CCN4: variants seen among roughly 807,000 people sequenced by gnomAD.
CCN4 encodes CCN family member 4.
In CCN4, 30 loss-of-function variants were observed where a neutral mutation model predicts 36.7. The observed-to-expected ratio is 0.82, with a 90% CI of 0.61 to 1.11. CCN4 has a LOEUF of 1.11. CCN4 is among the 50% of genes least tolerant of loss of function. The pLI, the probability that CCN4 is intolerant of heterozygous loss-of-function variation, is 0.00. For synonymous variants in CCN4, 191 were observed against 195.4 expected (o/e 0.98, Z 0.19); for missense variants, 505 against 504.9 (o/e 1.00, Z 0.00).
At chr8:133,191,234 C>A (rs368535919) in intron 1 of CCN4, 21 bp downstream of exon 1, 24 of 1,600,438 alleles carry the variant, frequency 1.5e-5, no homozygotes, top group Non-Finnish European at 2.0e-5. Flanking sequence ...CCTGGAGGGG[C>A]TCAGAGGGAG....
intron 2 of CCN4, among the ~76,000 whole-genome samples, chr8:133,214,442 A>G (rs1017646521): frequency 2.0e-5 from 3 of 150,812 alleles, no homozygotes; most frequent in Non-Finnish European, 4.4e-5. Flanking sequence ...TTTTTCCTGG[A>G]CTTTCTAATG....
chr8:133,193,116 G>T (rs1853176275), intron 1 of CCN4, among the ~76,000 whole-genome samples: 1 of 152,214 alleles, frequency 6.6e-6, no homozygotes, highest in Non-Finnish European at 1.5e-5. Context: ...ATAGAAACGA[G>T]CTGGACTCCA....
intron 2 of CCN4, among the ~76,000 whole-genome samples, chr8:133,219,653 C>T (rs996793782): frequency 4.6e-5 from 7 of 152,148 alleles, no homozygotes; most frequent in African/African-American, 1.7e-4. Flanking sequence ...AGTGGTATTT[C>T]CATTTACAAA....
chr8:133,199,257 A>T (rs1238262960), intron 1 of CCN4, among the ~76,000 whole-genome samples: 1 of 152,176 alleles, frequency 6.6e-6, no homozygotes, highest in Non-Finnish European at 1.5e-5. Context: ...CAATGTCTTT[A>T]TGTGAAAAAG....
Position 133,218,728 on chromosome 8 carries a change from G to A in CCN4, c.350-1853G>A, listed in dbSNP as rs140995514. The stretch of plus-strand genomic sequence containing the variant: ...CCGGGGCTCTTTACCTGCATTTCCA[G>A]AAGCTGTCCTCCAGAGAGAGCATGG... On this transcript the variant is annotated intron_variant, in intron 2 of 4. Transcript: ENST00000250160. Among the ~76,000 whole-genome samples the A allele has an allele frequency of 2.5e-3, 375 of 152,236 alleles. 1 individual carries two copies. The highest frequency in any genetic ancestry group is 8.6e-3 in the African/African-American group (359 of 41,534).
At chr8:133,197,261 G>C (rs1436388318) in intron 1 of CCN4, among the ~76,000 whole-genome samples, 1 of 152,080 alleles carries the variant, frequency 6.6e-6, no homozygotes, top group Non-Finnish European at 1.5e-5. Context: ...TAGAGGTGTG[G>C]TGGTGAGTGG....
intron 2 of CCN4, among the ~76,000 whole-genome samples, chr8:133,218,322 G>T (rs777442816): frequency 4.0e-4 from 61 of 152,086 alleles, no homozygotes; most frequent in Non-Finnish European, 8.1e-4. Context: ...TTTCCTTTCT[G>T]CACCTCCTGC....
intron 1 of CCN4, among the ~76,000 whole-genome samples, chr8:133,210,054 T>C (rs16904846): frequency 0.072 from 10,968 of 152,190 alleles, 922 homozygotes; most frequent in African/African-American, 0.2. Context: ...GCCTTAAATA[T>C]CATAGATATC....
chr8:133,191,314 G>A (rs1170743508), intron 1 of CCN4, 101 bp downstream of exon 1: 7 of 1,373,438 alleles, frequency 5.1e-6, no homozygotes, highest in Non-Finnish European at 6.9e-6. Context: ...GGCCAGGAAG[G>A]TTTGGGGCTG....
chr8:133,227,730 C>T lies in CCN4; in HGVS notation c.*20C>T. On this transcript the variant is annotated 3_prime_UTR_variant, in exon 5 of 5. Transcript: ENST00000250160. Reference sequence around the variant, plus strand: ...AACTAGGCAGGCACAAATCTTGGGTCTTGGGGACTAACCCAATGCCTGTGA... The same window carrying T: ...AACTAGGCAGGCACAAATCTTGGGTTTTGGGGACTAACCCAATGCCTGTGA... The T allele has an allele frequency of 6.2e-7, 1 of 1,603,576 alleles. No homozygotes were observed. Among genetic ancestry groups the T allele is most frequent in the Non-Finnish European group, 8.5e-7 (1 of 1,174,070 alleles).
At chr8:133,206,908 G>T (rs533662704) in intron 1 of CCN4, among the ~76,000 whole-genome samples, 1 of 152,180 alleles carries the variant, frequency 6.6e-6, no homozygotes, top group Non-Finnish European at 1.5e-5. Flanking sequence ...ATATGCCACC[G>T]GCCCAGGAGG....
intron 1 of CCN4, among the ~76,000 whole-genome samples, chr8:133,192,351 A>G (rs1025343798): frequency 6.6e-6 from 1 of 152,206 alleles, no homozygotes; most frequent in African/African-American, 2.4e-5. Context: ...CGGTGTGTGT[A>G]ATGATGGCGG....
chr8:133,202,783 G>T (rs151039734), intron 1 of CCN4, among the ~76,000 whole-genome samples: 64 of 152,300 alleles, frequency 4.2e-4, no homozygotes, highest in African/African-American at 1.4e-3. Context: ...GGCCCCACTT[G>T]AAGGGGAGCC....
chr8:133,220,779 G>A lies in CCN4; in HGVS notation c.548G>A (p.Trp183Ter). 1 of 1,612,414 alleles carries A rather than the reference G, an allele frequency of 6.2e-7. No homozygotes were observed. The highest frequency in any genetic ancestry group is 1.3e-5 in the African/African-American group (1 of 75,052). Residue 183 changes from tryptophan to a stop codon, truncating the protein, a stop_gained, in exon 3 of 5, where the codon TGG (tryptophan) becomes TAG (stop). Transcript: ENST00000250160. LOFTEE classifies it high-confidence loss of function. ...ATACCTGGCCACTGCTGTGAGCAGT[G>A]GGTATGTGAGGACGACGCCAAGAGG... ...VSIPGHCCEQ[W>*]VCEDDAKRPR...
rs1233551679 is a variant in CCN4 at position 133,228,412 on chromosome 8, A to G, written c.*702A>G. On this transcript the variant is annotated 3_prime_UTR_variant, in exon 5 of 5. Transcript: ENST00000250160. ...TGATAAACATTCCTGTTGATGGGAAAAGCCCCCAGTTAATACTCCAGAGAC... is the reference window on the plus strand; with the variant it reads ...TGATAAACATTCCTGTTGATGGGAAGAGCCCCCAGTTAATACTCCAGAGAC... 1 of 152,216 alleles carries G rather than the reference A, an allele frequency of 6.6e-6. No individual in the cohort carries two copies. The highest frequency in any genetic ancestry group is 2.4e-5 in the African/African-American group (1 of 41,438). 9.4% of individuals were successfully genotyped at this position (152,216 alleles called of 1,614,324 possible). A position where few individuals can be genotyped will look rare whatever the true frequency, so the allele number is the denominator to read the frequency against.
In CCN4 at chr8:133,231,170, A is replaced by G. The variant is rs1854948832; in HGVS notation, c.*3460A>G. The G allele has an allele frequency of 6.6e-6, 1 of 152,200 alleles. No individual in the cohort carries two copies. Among genetic ancestry groups the G allele is most frequent in the Admixed American group, 6.5e-5 (1 of 15,282 alleles). 9.4% of individuals were successfully genotyped at this position (152,200 alleles called of 1,614,324 possible). A position where few individuals can be genotyped will look rare whatever the true frequency, so the allele number is the denominator to read the frequency against. ...CTCGCTAGCCTTGTACTGTGTGTGC[A>G]TAGCAATTACAGGGAAGTAATCTAG... On this transcript the variant is annotated 3_prime_UTR_variant, in exon 5 of 5. Transcript: ENST00000250160.
At chr8:133,226,684 T>A (rs926591783) in intron 4 of CCN4, among the ~76,000 whole-genome samples, 2 of 152,138 alleles carry the variant, frequency 1.3e-5, no homozygotes, top group African/African-American at 2.4e-5. Flanking sequence ...CAATTTTGAT[T>A]TCCAACCAAT....
In CCN4 at chr8:133,203,667, G is replaced by A. The variant is rs941262172; in HGVS notation, c.70-9197G>A. Among the ~76,000 whole-genome samples the A allele has an allele frequency of 2.6e-5, 4 of 152,130 alleles. No individual in the cohort carries two copies. In the South Asian group the frequency reaches 6.2e-4, roughly 24 times the overall value. On this transcript the variant is annotated intron_variant, in intron 1 of 4. Transcript: ENST00000250160. ...AAAGCTGGGAGTGGCAGGAGGTTGG[G>A]GAATTGTCAAATGGGGTCCCCTCAT...
intron 2 of CCN4, among the ~76,000 whole-genome samples, chr8:133,213,599 A>G (rs1258847980): frequency 6.6e-6 from 1 of 151,620 alleles, no homozygotes; most frequent in East Asian, 1.9e-4. Context: ...GCCTGCAGTC[A>G]TCCCTTCCCA....
Sources: allele counts gnomAD v4.1 joint callset (sites outside exome capture counted in the v4.1 genomes callset), GRCh38; gene constraint gnomAD v4.1.1; transcripts MANE v1.5; gene names NCBI Gene and HGNC (gene_info 2026-07-23, HGNC 2026-07-21).